The following SKIC2 variants were observed in gnomAD, a reference collection of about 807,000 sequenced individuals.
The protein encoded by SKIC2 is superkiller complex protein 2.
the SKIC2 span, chr6:31,962,695 C>T: frequency 1.1e-5 from 17 of 1,610,984 alleles, no homozygotes; most frequent in Non-Finnish European, 1.4e-5. This position sits in a 1 kb window ranked among gnomAD's most constrained non-coding sequence, Gnocchi z 5.0. Flanking sequence ...GGAGTCAATC[C>T]TTGGCCTCTT....
At chr6:31,969,405 G>A in the SKIC2 span, 1 of 1,614,220 alleles carries the variant, frequency 6.2e-7, no homozygotes, top group Middle Eastern at 1.6e-4. This position sits in a 1 kb window ranked among gnomAD's most constrained non-coding sequence, Gnocchi z 6.1. Context: ...TTGTATATGA[G>A]TGGGCCCGGG....
the SKIC2 span, chr6:31,966,882 A>T: frequency 3.1e-6 from 5 of 1,613,824 alleles, no homozygotes; most frequent in Non-Finnish European, 4.2e-6. The surrounding 1 kb of genome is among the most constrained non-coding windows in gnomAD (Gnocchi z 5.9). Context: ...GTGGAGCAGG[A>T]GGTTGGCCAA....
the SKIC2 span, chr6:31,960,145 T>C: frequency 6.2e-7 from 1 of 1,606,948 alleles, no homozygotes; most frequent in Non-Finnish European, 8.5e-7. Flanking sequence ...GGGCTTAGAC[T>C]AGGGTGATGG....
the SKIC2 span, among the ~76,000 whole-genome samples, chr6:31,964,601 G>A: frequency 1.4e-4 from 22 of 152,194 alleles, no homozygotes; most frequent in Non-Finnish European, 2.6e-4. This position sits in a 1 kb window ranked among gnomAD's most constrained non-coding sequence, Gnocchi z 5.0. Context: ...GTAGGTCTCA[G>A]AAAAGAAACC....
At chr6:31,967,864 TGA>T in the SKIC2 span, 2 of 1,612,636 alleles carry the variant, frequency 1.2e-6, no homozygotes, top group Non-Finnish European at 1.7e-6. The surrounding 1 kb of genome is among the most constrained non-coding windows in gnomAD (Gnocchi z 4.9). Context: ...TGCCTGAAGG[TGA>T]GAGTGTGGCA....
chr6:31,966,411 C>T, the SKIC2 span, among the ~76,000 whole-genome samples: 3 of 152,146 alleles, frequency 2.0e-5, no homozygotes, highest in African/African-American at 4.8e-5. The surrounding 1 kb of genome is among the most constrained non-coding windows in gnomAD (Gnocchi z 5.9). Context: ...CAACTTCCTC[C>T]GACTTTTTTG....
the SKIC2 span, chr6:31,963,955 C>G: frequency 3.7e-6 from 6 of 1,612,208 alleles, no homozygotes; most frequent in Non-Finnish European, 5.1e-6. The surrounding 1 kb of genome is among the most constrained non-coding windows in gnomAD (Gnocchi z 5.3). Context: ...CCTCCGCACA[C>G]GTGCCCAGTT....
the SKIC2 span, chr6:31,967,327 G>A: frequency 4.3e-6 from 7 of 1,613,066 alleles, no homozygotes; most frequent in Non-Finnish European, 5.9e-6. This position sits in a 1 kb window ranked among gnomAD's most constrained non-coding sequence, Gnocchi z 4.9. Context: ...AGGAAGGGTG[G>A]TGGTTGTGAA....
At chr6:31,959,228 G>C in the SKIC2 span, 9 of 1,608,558 alleles carry the variant, frequency 5.6e-6, no homozygotes, top group African/African-American at 9.4e-5. Context: ...AGGGGGAGGG[G>C]AGGGAAATGG....
At chr6:31,959,894 C>A in the SKIC2 span, 1 of 765,430 alleles carries the variant, frequency 1.3e-6, no homozygotes, top group Non-Finnish European at 2.2e-6. Context: ...GCCTGATTGT[C>A]CTAGTCTGTT....
At chr6:31,967,192 C>T in the SKIC2 span, 22 of 1,606,504 alleles carry the variant, frequency 1.4e-5, no homozygotes, top group East Asian at 2.2e-5. The surrounding 1 kb of genome is among the most constrained non-coding windows in gnomAD (Gnocchi z 4.9). Context: ...AAGAGAAGAT[C>T]GTGTTACTCT....
chr6:31,964,172 C>T, the SKIC2 span: 2 of 1,608,736 alleles, frequency 1.2e-6, no homozygotes, highest in South Asian at 1.1e-5. This position sits in a 1 kb window ranked among gnomAD's most constrained non-coding sequence, Gnocchi z 5.0. Flanking sequence ...ATTTGGCAGA[C>T]TGGTGGGGAT....
the SKIC2 span, chr6:31,966,864 A>G: frequency 6.2e-7 from 1 of 1,614,100 alleles, no homozygotes; most frequent in South Asian, 1.1e-5. The surrounding 1 kb of genome is among the most constrained non-coding windows in gnomAD (Gnocchi z 5.9). Context: ...GCCTGGGGTA[A>G]CCAGTGTGTG....
chr6:31,965,991 C>G, the SKIC2 span: 2 of 1,600,386 alleles, frequency 1.2e-6, no homozygotes, highest in Non-Finnish European at 1.7e-6. The surrounding 1 kb of genome is among the most constrained non-coding windows in gnomAD (Gnocchi z 5.6). Flanking sequence ...CCCGAGATGG[C>G]AGACCTGCAC....
the SKIC2 span, chr6:31,962,652 C>T: frequency 1.9e-6 from 3 of 1,604,792 alleles, no homozygotes; most frequent in Non-Finnish European, 1.7e-6. The surrounding 1 kb of genome is among the most constrained non-coding windows in gnomAD (Gnocchi z 5.0). Flanking sequence ...GGAGAGTGTG[C>T]TGTCTGAGGA....
At chr6:31,960,207 T>A in the SKIC2 span, 1 of 1,611,964 alleles carries the variant, frequency 6.2e-7, no homozygotes, top group Non-Finnish European at 8.5e-7. Flanking sequence ...AAAGTTACTA[T>A]TTTTCTCTCC....
the SKIC2 span, chr6:31,965,748 C>G: frequency 7.5e-7 from 1 of 1,339,836 alleles, no homozygotes; most frequent in Non-Finnish European, 1.1e-6. This position sits in a 1 kb window ranked among gnomAD's most constrained non-coding sequence, Gnocchi z 5.6. Flanking sequence ...GTATGTAGAG[C>G]CTTTGCTGAT....
At chr6:31,969,597 G>A in the SKIC2 span, 20 of 1,613,322 alleles carry the variant, frequency 1.2e-5, no homozygotes, top group Admixed American at 3.3e-5. The surrounding 1 kb of genome is among the most constrained non-coding windows in gnomAD (Gnocchi z 6.1). Context: ...GAGATGTGTC[G>A]CTCACTGCGG....
the SKIC2 span, chr6:31,966,559 G>A: frequency 9.6e-6 from 7 of 731,062 alleles, no homozygotes; most frequent in South Asian, 1.8e-5. This position sits in a 1 kb window ranked among gnomAD's most constrained non-coding sequence, Gnocchi z 5.9. Flanking sequence ...GCTCCCTTAT[G>A]TTACAGAAGA....
Sources: allele counts gnomAD v4.1 joint callset (sites outside exome capture counted in the v4.1 genomes callset), GRCh38; gene constraint gnomAD v4.1.1; non-coding constraint Gnocchi (gnomAD v3.1); transcripts MANE v1.5; gene names NCBI Gene and HGNC (gene_info 2026-07-23, HGNC 2026-07-21).